Variants in TUSC3 observed in about 807,000 individuals in gnomAD.
TUSC3 encodes tumor suppressor candidate 3.
Under a neutral mutation model 44.8 loss-of-function variants are expected in TUSC3, and 45 were observed. The observed-to-expected ratio is 1.00, with a 90% CI of 0.79 to 1.29. TUSC3 has a LOEUF of 1.29. Among genes scored for constraint, TUSC3 ranks in the 50% most tolerant of loss-of-function variants. The pLI is 0.00. For synonymous variants in TUSC3, 212 were observed against 152.9 expected (o/e 1.39, Z -2.85); for missense variants, 519 against 437.9 (o/e 1.19, Z -1.65).
At chr8:15,523,074 GTCATGGGTAAGTGCTACTAAGTCA>G (rs2129129720) in intron 2 of TUSC3, among the ~76,000 whole-genome samples, 1 of 152,280 alleles carries the variant, frequency 6.6e-6, no homozygotes, top group East Asian at 1.9e-4. Flanking sequence ...TCCATCACAA[GTCATGGGTAAGTGCTACTAAGTCA>G]ATAAAGCATC....
chr8:15,590,492 C>T (rs1442700066), intron 1 of TUSC3, among the ~76,000 whole-genome samples: 3 of 152,050 alleles, frequency 2.0e-5, no homozygotes, highest in Non-Finnish European at 4.4e-5. Flanking sequence ...TTCTTTCTTG[C>T]CAATTCCCCC....
At chr8:15,570,110 A>C (rs1802817648) in intron 1 of TUSC3, among the ~76,000 whole-genome samples, 1 of 152,130 alleles carries the variant, frequency 6.6e-6, no homozygotes, top group Non-Finnish European at 1.5e-5. Flanking sequence ...TCTTGGTTAT[A>C]GCTTGTCCAT....
chr8:15,602,456 C>T (rs1392846132), intron 1 of TUSC3, among the ~76,000 whole-genome samples: 2 of 151,368 alleles, frequency 1.3e-5, no homozygotes, highest in African/African-American at 2.4e-5. Context: ...CATTTTACAT[C>T]AACTTGTAAA....
At chr8:15,691,570 G>A (rs912398882) in intron 6 of TUSC3, among the ~76,000 whole-genome samples, 14 of 152,142 alleles carry the variant, frequency 9.2e-5, no homozygotes, top group East Asian at 1.9e-4. Flanking sequence ...GTAAGAGAAG[G>A]CATCTTTATC....
At chr8:15,743,044 ATTG>A (rs1249060009) in intron 7 of TUSC3, among the ~76,000 whole-genome samples, 1 of 152,192 alleles carries the variant, frequency 6.6e-6, no homozygotes, top group African/African-American at 2.4e-5. Context: ...CTTTTGTAAG[ATTG>A]TTAATTGTAT....
rs542310477 is a variant in TUSC3, at chr8:15,512,189, C to T, written n.189+28706C>T. On this transcript the variant is annotated intron_variant and non_coding_transcript_variant, in intron 2 of 5. Coordinates refer to the TUSC3 transcript ENST00000503191. ...GAAATAGATTAATGAAACAGGAGAG[C>T]GATACTCTAGATATTTCTGTGAATG... Among the ~76,000 whole-genome samples the T allele has an allele frequency of 3.3e-4, 50 of 152,202 alleles. No homozygotes were observed. In the South Asian group the frequency reaches 5.4e-3, roughly 16 times the overall value.
At chr8:15,699,378 T>C (rs931491745) in intron 6 of TUSC3, among the ~76,000 whole-genome samples, 1 of 152,216 alleles carries the variant, frequency 6.6e-6, no homozygotes, top group African/African-American at 2.4e-5. Context: ...GACTGCACTC[T>C]CTCACCACTG....
At chr8:15,650,641 C>A (rs1806852800) in intron 2 of TUSC3, 56 bp from the exon 3 acceptor site, 1 of 1,484,218 alleles carries the variant, frequency 6.7e-7, no homozygotes, top group Non-Finnish European at 9.4e-7. Context: ...TTAATAACTG[C>A]TTTGTAGATG....
At chr8:15,480,658 C>G (rs1010937833) in intron 1 of TUSC3, among the ~76,000 whole-genome samples, 4 of 152,184 alleles carry the variant, frequency 2.6e-5, no homozygotes, top group Admixed American at 2.0e-4. Flanking sequence ...ATGGCTGCCT[C>G]TTGTTTCCTC....
In TUSC3 at chr8:15,478,217, C is replaced by T. The variant is rs190332102; in HGVS notation, n.92-5169C>T. 3.3e-5 allele frequency among the ~76,000 whole-genome samples: 5 copies of T among 152,318 alleles called. No individual in the cohort carries two copies. In the East Asian group the frequency reaches 9.6e-4, roughly 29 times the overall value. ...CGGGCCTCAAGTCATACACCTGCCT[C>T]AGCCTCCCAAAGTGCTGGGATGACA... On this transcript the variant is annotated intron_variant and non_coding_transcript_variant, in intron 1 of 5. Transcript: ENST00000503191.
chr8:15,848,498 A>G, the TUSC3 span, among the ~76,000 whole-genome samples: 1 of 152,192 alleles, frequency 6.6e-6, no homozygotes, highest in East Asian at 1.9e-4. Context: ...TGGAGCATGT[A>G]CAGAACAGAC....
chr8:15,623,288 C>A (rs1246322883), intron 2 of TUSC3, 39 bp downstream of exon 2: 2 of 1,523,204 alleles, frequency 1.3e-6, no homozygotes, highest in South Asian at 1.3e-5. Context: ...AACTATTATT[C>A]TTGGTTTACA....
intron 2 of TUSC3, among the ~76,000 whole-genome samples, chr8:15,517,358 G>T (rs756013405): frequency 1.3e-5 from 2 of 151,862 alleles, no homozygotes; most frequent in East Asian, 1.9e-4. Context: ...ATTACACCCC[G>T]ATCTTTGCTA....
chr8:15,472,922 G>A (rs184883840), intron 1 of TUSC3, among the ~76,000 whole-genome samples: 105 of 152,204 alleles, frequency 6.9e-4, no homozygotes, highest in African/African-American at 2.4e-3. Flanking sequence ...TAATATCTTG[G>A]TCATTTTACA....
intron 1 of TUSC3, among the ~76,000 whole-genome samples, chr8:15,582,266 C>T (rs1001105524): frequency 6.6e-6 from 1 of 152,316 alleles, no homozygotes. Flanking sequence ...AATCACCCGT[C>T]TTCTGGGTCG....
the TUSC3 span, among the ~76,000 whole-genome samples, chr8:15,776,677 C>T: frequency 3.3e-5 from 5 of 152,202 alleles, no homozygotes; most frequent in South Asian, 8.3e-4. Flanking sequence ...TGCCTCATCC[C>T]TATACTCAAT....
chr8:15,575,670 G>C (rs1011331285), intron 1 of TUSC3, among the ~76,000 whole-genome samples: 4 of 152,088 alleles, frequency 2.6e-5, no homozygotes, highest in Non-Finnish European at 5.9e-5. Context: ...CGGAAGCTGA[G>C]GCAGGAGAAT....
At chr8:15,689,119 C>G (rs1379690157) in intron 6 of TUSC3, 3 of 383,128 alleles carry the variant, frequency 7.8e-6, no homozygotes, top group African/African-American at 4.4e-5. Context: ...TCTTGTCTTG[C>G]ACGCCATTCT....
intron 6 of TUSC3, among the ~76,000 whole-genome samples, chr8:15,715,857 C>T (rs1016543236): frequency 1.3e-5 from 2 of 151,928 alleles, no homozygotes; most frequent in African/African-American, 4.8e-5. Context: ...AATAATATTT[C>T]CATGAAAACG....
Sources: gnomAD v4.1 joint callset for allele counts (sites outside exome capture counted in the v4.1 genomes callset) on GRCh38, gnomAD v4.1.1 for gene constraint, MANE v1.5 for transcripts, NCBI Gene and HGNC (gene_info 2026-07-23, HGNC 2026-07-21) for gene names.